The following CDK14 variants were observed in gnomAD, a reference collection of about 807,000 sequenced individuals.
CDK14 encodes cyclin-dependent kinase 14.
In CDK14, 34 loss-of-function variants were observed where a neutral mutation model predicts 60.7. The ratio of observed to expected loss-of-function variants is 0.56; its 90% CI spans 0.43 to 0.75. The LOEUF (loss-of-function observed/expected upper bound fraction) is 0.75, where lower values mean the gene tolerates loss of function less well. Ranked by LOEUF, CDK14 falls within the 30% of genes least tolerant of loss-of-function variation. The probability of loss-of-function intolerance (pLI) is 0.00; values close to 1 mark genes in which losing one functional copy is unlikely to be tolerated. For missense variants in CDK14, 482 were observed against 564.1 expected (o/e 0.85, Z 1.47); for synonymous variants, 197 against 203.7 (o/e 0.97, Z 0.28).
chr7:90,969,051 A>C, intron 9 of CDK14, among the ~76,000 whole-genome samples: 1 of 152,200 alleles, frequency 6.6e-6, no homozygotes, highest in East Asian at 1.9e-4. Context: ...TGCAGTGGCC[A>C]GACTGCAAAG....
In CDK14 at chr7:91,116,007, G is replaced by T. The variant is rs183173896; in HGVS notation, c.1295-2058G>T. 5.2e-4 allele frequency among the ~76,000 whole-genome samples: 79 copies of T among 152,202 alleles called. 1 individual carries two copies. Among genetic ancestry groups the T allele is most frequent in the African/African-American group, 1.8e-3 (76 of 41,522 alleles). ...CTGGCTGTTAAAGCTGGCTAATTCT[G>T]GTGGCACCCTGTCATTCTCCCTCTG... On this transcript the variant is annotated intron_variant, in intron 13 of 14. Coordinates refer to ENST00000380050, the MANE Select transcript of CDK14 (RefSeq NM_001287135.2).
At position 91,197,951 on chromosome 7, in the gene CDK14, A is replaced by T. The variant is rs555751467; in HGVS notation, c.*29-9214A>T. On this transcript the variant is annotated intron_variant, in intron 14 of 14. Transcript: ENST00000380050. ...TTCAGTGATTTGTCCTTGGTCGATC[A>T]GTTGTTCGTTGGCACTGTTGTGAAG... Among the ~76,000 whole-genome samples, 4 of 152,336 alleles carry T rather than the reference A, an allele frequency of 2.6e-5. No homozygotes were observed. The East Asian group carries it at 5.8e-4, about 22-fold the overall frequency.
chr7:91,003,479 C>A (rs757086666), intron 10 of CDK14, among the ~76,000 whole-genome samples: 5 of 152,118 alleles, frequency 3.3e-5, no homozygotes. Flanking sequence ...AAAAATAAAT[C>A]GTTTGTTCCT....
Position 90,780,693 on chromosome 7 carries a change from A to T in CDK14, c.465-9880A>T, listed in dbSNP as rs183221052. ...CTTGCGATAGTTAATGAGAATGATGATTTCCAATTTCATCCATGTCCCTAC... is the reference window on the plus strand; with the variant it reads ...CTTGCGATAGTTAATGAGAATGATGTTTTCCAATTTCATCCATGTCCCTAC... On this transcript the variant is annotated intron_variant, in intron 4 of 14. Transcript: ENST00000380050. Among the ~76,000 whole-genome samples, 621 of 151,052 alleles carry T rather than the reference A, an allele frequency of 4.1e-3. 3 individuals are homozygous for T. Among genetic ancestry groups the T allele is most frequent in the Non-Finnish European group, 5.0e-3 (339 of 67,926 alleles).
chr7:90,876,347 A>G (rs1445443279), intron 6 of CDK14, among the ~76,000 whole-genome samples: 1 of 152,082 alleles, frequency 6.6e-6, no homozygotes, highest in East Asian at 1.9e-4. Context: ...AACTGGTTGG[A>G]TTTTCTAGTT....
intron 9 of CDK14, among the ~76,000 whole-genome samples, chr7:90,961,494 T>C (rs1794602540): frequency 6.6e-6 from 1 of 152,228 alleles, no homozygotes; most frequent in Non-Finnish European, 1.5e-5. Flanking sequence ...AATGAGTTCA[T>C]TTTAAACCAA....
chr7:90,879,352 G>A (rs934223820), intron 6 of CDK14, among the ~76,000 whole-genome samples: 8 of 152,006 alleles, frequency 5.3e-5, no homozygotes, highest in Middle Eastern at 3.4e-3. Flanking sequence ...GTTATGTATC[G>A]TTTATTCACA....
At chr7:90,953,744 T>C (rs1242999828) in intron 8 of CDK14, among the ~76,000 whole-genome samples, 1 of 152,156 alleles carries the variant, frequency 6.6e-6, no homozygotes, top group Non-Finnish European at 1.5e-5. Context: ...GCTGGAATGT[T>C]TGTAGCATCC....
At chr7:90,623,617 G>GTTT (rs1419531659) in intron 2 of CDK14, among the ~76,000 whole-genome samples, 1 of 151,786 alleles carries the variant, frequency 6.6e-6, no homozygotes, top group Non-Finnish European at 1.5e-5. Context: ...TGAATATCAG[G>GTTT]TTTTTTTTCA....
chr7:91,046,027 CCT>C, intron 11 of CDK14, 67 bp downstream of exon 11: 1 of 1,068,110 alleles, frequency 9.4e-7, no homozygotes. Context: ...ATAAATGTTC[CCT>C]CTCAAGCAAT....
chr7:90,842,484 G>T (rs966551553), intron 5 of CDK14, among the ~76,000 whole-genome samples: 3 of 152,144 alleles, frequency 2.0e-5, no homozygotes, highest in African/African-American at 7.2e-5. Flanking sequence ...AAGGGTGTTA[G>T]GAACAAGTGG....
chr7:90,880,738 C>T (rs1379757178), intron 6 of CDK14, among the ~76,000 whole-genome samples: 1 of 152,114 alleles, frequency 6.6e-6, no homozygotes, highest in African/African-American at 2.4e-5. Context: ...AGGCAACCAA[C>T]TTTGCTGCTC....
intron 5 of CDK14, among the ~76,000 whole-genome samples, chr7:90,857,336 G>A (rs1790857438): frequency 1.3e-5 from 2 of 152,178 alleles, no homozygotes; most frequent in African/African-American, 4.8e-5. Flanking sequence ...GCCAACCTAA[G>A]GGAAGGCTCC....
chr7:91,059,941 T>C (rs1023872523), intron 11 of CDK14, among the ~76,000 whole-genome samples: 4 of 152,164 alleles, frequency 2.6e-5, no homozygotes, highest in Non-Finnish European at 4.4e-5. Flanking sequence ...CAGAGCTGAG[T>C]TCAATTCCTG....
chr7:90,649,301 T>TTTCC (rs1800547886), intron 2 of CDK14, among the ~76,000 whole-genome samples: 2 of 63,700 alleles, frequency 3.1e-5, no homozygotes, highest in African/African-American at 7.6e-5. Flanking sequence ...TCTTTCTTTC[T>TTTCC]TTCTTTCTTT....
At chr7:91,173,868 C>T (rs1421928697) in intron 14 of CDK14, among the ~76,000 whole-genome samples, 5 of 152,146 alleles carry the variant, frequency 3.3e-5, no homozygotes, top group East Asian at 3.9e-4. Flanking sequence ...AAGGCGGCAG[C>T]GAGGCTGGGG....
intron 2 of CDK14, among the ~76,000 whole-genome samples, chr7:90,716,610 G>T (rs912231430): frequency 8.6e-5 from 13 of 151,906 alleles, no homozygotes; most frequent in African/African-American, 3.1e-4. Context: ...CAATTCCATG[G>T]TTGTTTAAAT....
intron 3 of CDK14, among the ~76,000 whole-genome samples, chr7:90,744,815 G>A (rs866547224): frequency 0.014 from 1,214 of 86,870 alleles, 150 homozygotes; most frequent in African/African-American, 0.051. Context: ...CGGGCGGGGG[G>A]CTGACGCCCC....
At chr7:90,974,443 T>C (rs1350203638) in intron 9 of CDK14, among the ~76,000 whole-genome samples, 1 of 152,326 alleles carries the variant, frequency 6.6e-6, no homozygotes, top group East Asian at 1.9e-4. Flanking sequence ...TTTGGGTAAC[T>C]AATAAATGTC....
Sources: gnomAD v4.1 joint callset for allele counts (sites outside exome capture counted in the v4.1 genomes callset) on GRCh38, gnomAD v4.1.1 for gene constraint, MANE v1.5 for transcripts, NCBI Gene and HGNC (gene_info 2026-07-23, HGNC 2026-07-21) for gene names.